Variants in MELTF observed in about 807,000 individuals in gnomAD.
MELTF encodes melanotransferrin.
Under a neutral mutation model 83.7 loss-of-function variants are expected in MELTF, and 67 were observed. That is an observed-to-expected ratio of 0.80 (90% CI 0.66 to 0.98). The LOEUF is 0.98. Among genes scored for constraint, MELTF ranks in the 50% least tolerant of loss-of-function variants. The pLI is 0.00. For synonymous variants in MELTF, 462 were observed against 447.6 expected (o/e 1.03, Z -0.41); for missense variants, 1,002 against 1,035.6 (o/e 0.97, Z 0.44).
At chr3:197,018,995 A>G in intron 6 of MELTF, 1 of 985,482 alleles carries the variant, frequency 1.0e-6, no homozygotes, top group Non-Finnish European at 1.2e-6. Flanking sequence ...CAAGGAGGAA[A>G]AAAACCTCTA....
Position 197,006,860 on chromosome 3 carries a change from C to G in MELTF, c.1751-124G>C. 1.2e-6 allele frequency: 1 copy of G among 822,030 alleles called. No individual in the cohort carries two copies. Among genetic ancestry groups the G allele is most frequent in the Non-Finnish European group, 1.8e-6 (1 of 571,282 alleles). The allele number at this position is 822,030 out of a possible 1,614,324, so 50.9% of individuals were successfully genotyped here. A position where few individuals can be genotyped will look rare whatever the true frequency, so the allele number is the denominator to read the frequency against. ...GAGGTGGCAACATCTGGCCAGCTCCCCAACCCTCTCCATTCTCCACGTGCT... is the reference window on the plus strand; with the variant it reads ...GAGGTGGCAACATCTGGCCAGCTCCGCAACCCTCTCCATTCTCCACGTGCT... On this transcript the variant is annotated intron_variant, in intron 13 of 15. Coordinates refer to ENST00000296350, the MANE Select transcript of MELTF (RefSeq NM_005929.6). This position sits in a 1 kb window ranked among gnomAD's most constrained non-coding sequence, Gnocchi z 5.4.
rs117918981 is a variant in MELTF at position 197,022,447 on chromosome 3, G to A, written c.644+510C>T. 1.0e-3 allele frequency among the ~76,000 whole-genome samples: 158 copies of A among 152,286 alleles called. 4 individuals carry two copies. The East Asian group carries it at 0.027, about 26-fold the overall frequency. On this transcript the variant is annotated intron_variant, in intron 5 of 15. Coordinates refer to ENST00000296350, the MANE Select transcript of MELTF (RefSeq NM_005929.6). The surrounding 1 kb of genome is among the most constrained non-coding windows in gnomAD (Gnocchi z 5.1). ...AGGCTTCCCTGCTCCAGGTGGAAAC[G>A]TGAGGTAGCTAGAGGGGCCCGAGAA...
rs755720242 is a variant in MELTF at position 197,010,783 on chromosome 3, G to A, written c.1245C>T (p.Val415=). The A allele has an allele frequency of 8.7e-6, 14 of 1,613,338 alleles. No individual in the cohort carries two copies. The highest frequency in any genetic ancestry group is 1.6e-4 in the Middle Eastern group (1 of 6,082). The change falls in exon 10 of 16, where the codon GTC becomes GTT. Residue 415 remains valine (V), a synonymous_variant. Transcript: ENST00000296350. The stretch of plus-strand genomic sequence containing the variant: ...CCTCGCCACTCAGGGTCACAGCGTC[G>A]ACCTGCTCAGCCTGAAGGGAATAGA... ...HCMERIQAEQ[V]DAVTLSGEDI...
At chr3:197,026,372 G>T in intron 3 of MELTF, 1 of 413,600 alleles carries the variant, frequency 2.4e-6, no homozygotes, top group Non-Finnish European at 4.5e-6. Context: ...CACCGTGCCC[G>T]GCACCACGCC....
chr3:197,020,709 A>AC (rs1221703731), intron 6 of MELTF, among the ~76,000 whole-genome samples: 3 of 151,878 alleles, frequency 2.0e-5, no homozygotes, highest in Non-Finnish European at 4.4e-5. Context: ...TCGCTCTGTC[A>AC]CCAGGCTGGA....
Position 197,006,671 on chromosome 3 carries a change from C to T in MELTF, c.1816G>A (p.Gly606Arg), listed in dbSNP as rs552920862. The T allele has an allele frequency of 2.2e-5, 35 of 1,594,318 alleles. No individual in the cohort carries two copies. Among genetic ancestry groups the T allele is most frequent in the Middle Eastern group, 1.7e-4 (1 of 5,966 alleles). Residue 606 changes from glycine to arginine, a missense_variant, in exon 14 of 16, where the codon GGG becomes AGG. Physicochemically the swap from Gly to Arg is moderately radical, Grantham distance 125. Coordinates refer to ENST00000296350, the MANE Select transcript of MELTF (RefSeq NM_005929.6). The surrounding 1 kb of genome is among the most constrained non-coding windows in gnomAD (Gnocchi z 5.4). ...SEDYELLCPN[G>R]ARAEVSQFAA... The stretch of plus-strand genomic sequence containing the variant: ...AACTGGGACACCTCGGCTCGGGCCC[C>T]GTTGGGGCACAGCAGTTCATAGTCC...
At chr3:197,013,719 G>A (rs1250100910) in intron 9 of MELTF, among the ~76,000 whole-genome samples, 1 of 152,184 alleles carries the variant, frequency 6.6e-6, no homozygotes, top group East Asian at 1.9e-4. Flanking sequence ...GATCAGAACA[G>A]ACGTTTCTCA....
Position 197,003,806 on chromosome 3 carries a change from C to T in MELTF, c.2137+95G>A. 7.3e-7 allele frequency: 1 copy of T among 1,377,966 alleles called. No individual in the cohort carries two copies. The highest frequency in any genetic ancestry group is 2.6e-4 in the Middle Eastern group (1 of 3,844). The allele number at this position is 1,377,966 out of a possible 1,614,324, so 85.4% of individuals were successfully genotyped here. ...CTGCTGCGAACGGGCCTCCACCCGC[C>T]TCCCCGGACCCGCAGCGCCCCCCGC... On this transcript the variant is annotated intron_variant, in intron 15 of 15. Coordinates refer to ENST00000296350, the MANE Select transcript of MELTF (RefSeq NM_005929.6). This position sits in a 1 kb window ranked among gnomAD's most constrained non-coding sequence, Gnocchi z 6.2.
rs1402338706 is a variant in MELTF, at chr3:197,022,792, T to C, written c.644+165A>G. 6.6e-6 allele frequency among the ~76,000 whole-genome samples: 1 copy of C among 152,202 alleles called. No homozygotes were observed. The highest frequency in any genetic ancestry group is 2.4e-5 in the African/African-American group (1 of 41,452). The stretch of plus-strand genomic sequence containing the variant: ...TTGGCATATTCCAGCTGGATGTTTT[T>C]AAACTAACCAGGGCACAGAACTATA... On this transcript the variant is annotated intron_variant, in intron 5 of 15. Coordinates refer to ENST00000296350, the MANE Select transcript of MELTF (RefSeq NM_005929.6). This position sits in a 1 kb window ranked among gnomAD's most constrained non-coding sequence, Gnocchi z 5.1.
intron 6 of MELTF, among the ~76,000 whole-genome samples, chr3:197,017,838 C>T (rs942732138): frequency 1.3e-5 from 2 of 152,142 alleles, no homozygotes; most frequent in African/African-American, 4.8e-5. Flanking sequence ...GATCACGCCA[C>T]TGCACTCCAG....
At chr3:197,012,552 G>A (rs1017018499) in intron 9 of MELTF, among the ~76,000 whole-genome samples, 13 of 152,284 alleles carry the variant, frequency 8.5e-5, no homozygotes, top group African/African-American at 2.4e-4. Flanking sequence ...CTGCTGAGGG[G>A]CCTGTGCTTG....
rs921666955 is a variant in MELTF at position 197,011,776 on chromosome 3, G to A, written c.1234-982C>T. Among the ~76,000 whole-genome samples, 1 of 152,138 alleles carries A rather than the reference G, an allele frequency of 6.6e-6. No individual in the cohort carries two copies. The highest frequency in any genetic ancestry group is 1.5e-5 in the Non-Finnish European group (1 of 68,018). The stretch of plus-strand genomic sequence containing the variant: ...AGGAATGGGTGTTACAGCCACACTG[G>A]ACTCCTCTCTGAGAACCTCAGAAGC... On this transcript the variant is annotated intron_variant, in intron 9 of 15. Coordinates refer to ENST00000296350, the MANE Select transcript of MELTF (RefSeq NM_005929.6). The surrounding 1 kb of genome is among the most constrained non-coding windows in gnomAD (Gnocchi z 4.2).
chr3:197,029,789 C>T lies in MELTF; in HGVS notation c.-87G>A, dbSNP rs994396851. 7.2e-5 allele frequency: 69 copies of T among 960,496 alleles called. No individual in the cohort carries two copies. Among genetic ancestry groups the T allele is most frequent in the Non-Finnish European group, 9.3e-5 (69 of 741,424 alleles). The allele number at this position is 960,496 out of a possible 1,614,324, so 59.5% of individuals were successfully genotyped here. A position where few individuals can be genotyped will look rare whatever the true frequency, so the allele number is the denominator to read the frequency against. On this transcript the variant is annotated 5_prime_UTR_variant, in exon 1 of 16. Coordinates refer to ENST00000296350, the MANE Select transcript of MELTF (RefSeq NM_005929.6). This position sits in a 1 kb window ranked among gnomAD's most constrained non-coding sequence, Gnocchi z 6.5. Reference sequence around the variant, plus strand: ...GCAGCCGGGCTTCCTCCCTGCTCCCCCTCGCGCTGGCCCGAGCTCCTTAAG... The same window carrying T: ...GCAGCCGGGCTTCCTCCCTGCTCCCTCTCGCGCTGGCCCGAGCTCCTTAAG...
rs1383224873 is a variant in MELTF, at chr3:197,003,941, C to T, written c.2097G>A (p.Ala699=). 2.5e-6 allele frequency: 4 copies of T among 1,613,952 alleles called. No homozygotes were observed. The highest frequency in any genetic ancestry group is 1.7e-5 in the Admixed American group (1 of 60,012). Residue 699 remains alanine, a synonymous_variant, in exon 15 of 16, where the codon GCG becomes GCA. Coordinates refer to ENST00000296350, the MANE Select transcript of MELTF (RefSeq NM_005929.6). The surrounding 1 kb of genome is among the most constrained non-coding windows in gnomAD (Gnocchi z 6.2). ...GCTGAGACGACATCCCTTCCAGCGC[C>T]GCCACGTAGTCCAGCCCCAGCCAGC... ...YRGWLGLDYV[A]ALEGMSSQQC...
At chr3:197,016,423 C>T in intron 7 of MELTF, 54 bp from the exon 8 acceptor site, 1 of 1,411,052 alleles carries the variant, frequency 7.1e-7, no homozygotes, top group Non-Finnish European at 9.4e-7. Flanking sequence ...AGGCCATATC[C>T]TTCCCTCCCA....
Position 197,003,883 on chromosome 3 carries a change from A to C in MELTF, c.2137+18T>G. 1 of 1,610,548 alleles carries C rather than the reference A, an allele frequency of 6.2e-7. No individual in the cohort carries two copies. Among genetic ancestry groups the C allele is most frequent in the Non-Finnish European group, 8.5e-7 (1 of 1,178,636 alleles). The stretch of plus-strand genomic sequence containing the variant: ...TCTGAATAGCACCAGGGGAGGCGGC[A>C]GGGCGGGCCTGTCCTACCTGCGCCC... On this transcript the variant is annotated intron_variant, in intron 15 of 15. Coordinates refer to ENST00000296350, the MANE Select transcript of MELTF (RefSeq NM_005929.6). The surrounding 1 kb of genome is among the most constrained non-coding windows in gnomAD (Gnocchi z 6.2).
chr3:197,015,404 C>A lies in MELTF; in HGVS notation c.1194G>T (p.Val398=). The A allele has an allele frequency of 6.3e-7, 1 of 1,584,656 alleles. No individual in the cohort carries two copies. Among genetic ancestry groups the A allele is most frequent in the Non-Finnish European group, 8.6e-7 (1 of 1,166,082 alleles). The change falls in exon 9 of 16, where the codon GTG becomes GTT. Residue 398 remains valine (V), a synonymous_variant. Coordinates refer to ENST00000296350, the MANE Select transcript of MELTF (RefSeq NM_005929.6). ...RQRLKPEIQC[V]SAKSPQHCME... ...TGCAGTGTTGGGGGGACTTGGCTGACACGCACTGGATCTCTGGCTTGAGCC... is the reference window on the plus strand; with the variant it reads ...TGCAGTGTTGGGGGGACTTGGCTGAAACGCACTGGATCTCTGGCTTGAGCC...
chr3:197,026,963 TAA>T, intron 2 of MELTF: 1 of 509,166 alleles, frequency 2.0e-6, no homozygotes. Flanking sequence ...CTAATAATGT[TAA>T]AAAAAAAATA....
intron 3 of MELTF, 129 bp downstream of exon 3, chr3:197,026,531 C>T (rs1285394023): frequency 2.6e-6 from 2 of 766,568 alleles, no homozygotes; most frequent in African/African-American, 3.4e-5. Flanking sequence ...GGGCGTTCTT[C>T]TGGCTGGGAC....
Sources: gnomAD v4.1 joint callset for allele counts (sites outside exome capture counted in the v4.1 genomes callset) on GRCh38, gnomAD v4.1.1 for gene constraint, Gnocchi (gnomAD v3.1) non-coding constraint, MANE v1.5 for transcripts, NCBI Gene and HGNC (gene_info 2026-07-23, HGNC 2026-07-21) for gene names.